The following ATP10B variants were observed in gnomAD, a reference collection of about 807,000 sequenced individuals.
The protein encoded by ATP10B is phospholipid-transporting ATPase VB.
In ATP10B, 122 loss-of-function variants were observed where a neutral mutation model predicts 141.2. The ratio of observed to expected loss-of-function variants is 0.86; its 90% CI spans 0.75 to 1.00. The LOEUF (loss-of-function observed/expected upper bound fraction) is 1.00, where lower values mean the gene tolerates loss of function less well. Among genes scored for constraint, ATP10B ranks in the 50% least tolerant of loss-of-function variants. The pLI, the probability that ATP10B is intolerant of heterozygous loss-of-function variation, is 0.00. For missense variants in ATP10B, 1,876 were observed against 1,825.3 expected (o/e 1.03, Z -0.51); for synonymous variants, 685 against 692.0 (o/e 0.99, Z 0.16).
intron 19 of ATP10B, among the ~76,000 whole-genome samples, chr5:160,605,237 A>G (rs1225299795): frequency 6.6e-6 from 1 of 152,194 alleles, no homozygotes; most frequent in Non-Finnish European, 1.5e-5. Flanking sequence ...ATAGAATATA[A>G]AATGGGAGGG....
chr5:160,844,849 C>T (rs563492211), intron 1 of ATP10B, among the ~76,000 whole-genome samples: 2 of 152,130 alleles, frequency 1.3e-5, no homozygotes, highest in South Asian at 2.1e-4. Context: ...CTGACCAATA[C>T]TTATGTTATA....
intron 1 of ATP10B, among the ~76,000 whole-genome samples, chr5:160,787,690 G>T (rs948222123): frequency 6.6e-6 from 1 of 152,110 alleles, no homozygotes. Flanking sequence ...ATTTGGGGAG[G>T]CTGTATGGTG....
chr5:160,928,621 A>T, the ATP10B span, among the ~76,000 whole-genome samples: 3 of 152,176 alleles, frequency 2.0e-5, no homozygotes, highest in African/African-American at 7.2e-5. Context: ...GTAATAATAT[A>T]TAAAGTGCTT....
Position 160,620,548 on chromosome 5 carries a change from C to G in ATP10B, c.2215G>C (p.Val739Leu), listed in dbSNP as rs577053658. 1 of 1,614,170 alleles carries G rather than the reference C, an allele frequency of 6.2e-7. No individual in the cohort carries two copies. Among genetic ancestry groups the G allele is most frequent in the African/African-American group, 1.3e-5 (1 of 75,082 alleles). ...GTCACCTGCTCAGGTGTCCGGGACA[C>G]TAGTGTGAAGCTGTAGGCATGGGCA... ...HAAHAYSFTL[V>L]SRTPEQVTVR... is the part of the protein sequence containing the mutation. The change falls in exon 15 of 26, where the codon GTG (valine) becomes CTG (leucine). Residue 739 changes from valine (V) to leucine (L), a missense_variant. Transcript: ENST00000327245.
intron 21 of ATP10B, among the ~76,000 whole-genome samples, chr5:160,600,943 A>G (rs1429766941): frequency 6.6e-6 from 1 of 151,962 alleles, no homozygotes; most frequent in East Asian, 1.9e-4. Flanking sequence ...CTGGAAATAA[A>G]TATCATTTAA....
At chr5:160,716,807 A>C in intron 3 of ATP10B, 102 bp downstream of exon 3, 1 of 788,314 alleles carries the variant, frequency 1.3e-6, no homozygotes, top group Non-Finnish European at 1.5e-6. Flanking sequence ...TTCCATCATC[A>C]AGGTGGTGTC....
the ATP10B span, among the ~76,000 whole-genome samples, chr5:160,917,269 C>CTTCT: frequency 7.8e-6 from 1 of 127,692 alleles, no homozygotes; most frequent in African/African-American, 3.0e-5. Flanking sequence ...TAGGGTACTT[C>CTTCT]TTTTTTTTTT....
chr5:160,799,491 T>G (rs1772212379), intron 1 of ATP10B, among the ~76,000 whole-genome samples: 1 of 152,216 alleles, frequency 6.6e-6, no homozygotes. Flanking sequence ...CATTACACAG[T>G]TCAAAGTCAC....
chr5:160,690,828 C>G (rs1764031942), intron 3 of ATP10B, among the ~76,000 whole-genome samples: 1 of 152,076 alleles, frequency 6.6e-6, no homozygotes, highest in Non-Finnish European at 1.5e-5. Flanking sequence ...ACCAGAAGAA[C>G]CATTTGACCC....
chr5:160,874,155 G>A, the ATP10B span, among the ~76,000 whole-genome samples: 2 of 152,096 alleles, frequency 1.3e-5, no homozygotes, highest in Admixed American at 1.3e-4. Flanking sequence ...TTTGAAGAGA[G>A]CAGTGGTTCT....
chr5:160,591,084 A>G lies in ATP10B; in HGVS notation c.3620T>C (p.Leu1207Pro). Residue 1207 changes from leucine (L) to proline (P), a missense_variant, in exon 23 of 26, where the codon CTC (leucine) becomes CCC (proline). By Grantham distance (98) the Leu-to-Pro change is moderately conservative. Transcript: ENST00000327245. ...ISMVDAFYQS[L>P]ICFFIPYLAY... ...CAGGTAAGGGATAAAGAAACAGATG[A>G]GGCTCTGGTAGAATGCATCCACCAT... The G allele has an allele frequency of 6.2e-7, 1 of 1,614,052 alleles. No individual in the cohort carries two copies. The highest frequency in any genetic ancestry group is 1.3e-5 in the African/African-American group (1 of 75,054).
At chr5:160,869,103 T>G in the ATP10B span, among the ~76,000 whole-genome samples, 1 of 152,210 alleles carries the variant, frequency 6.6e-6, no homozygotes, top group Non-Finnish European at 1.5e-5. Flanking sequence ...CAATGTCTAC[T>G]TTACATAGTT....
chr5:160,703,179 AATTT>A (rs1764774099), intron 3 of ATP10B, among the ~76,000 whole-genome samples: 1 of 152,142 alleles, frequency 6.6e-6, no homozygotes. Context: ...TATTTATAAT[AATTT>A]ATTATGTATA....
At chr5:160,680,366 G>A (rs1365006993) in intron 6 of ATP10B, among the ~76,000 whole-genome samples, 1 of 152,012 alleles carries the variant, frequency 6.6e-6, no homozygotes, top group Non-Finnish European at 1.5e-5. Context: ...CCTTGATATG[G>A]CAAAAGGATA....
intron 2 of ATP10B, among the ~76,000 whole-genome samples, chr5:160,782,483 A>ACT (rs1475823389): frequency 6.8e-6 from 1 of 146,970 alleles, no homozygotes; most frequent in African/African-American, 2.5e-5. Context: ...ACACACACTC[A>ACT]CTCACTTTAG....
At chr5:160,916,105 T>C in the ATP10B span, among the ~76,000 whole-genome samples, 1 of 152,190 alleles carries the variant, frequency 6.6e-6, no homozygotes, top group South Asian at 2.1e-4. Context: ...TCTTGAGTTA[T>C]GGTATATCCC....
rs374330613 is a variant in ATP10B at position 160,591,082 on chromosome 5, T to C, written c.3622A>G (p.Ile1208Val). ...SMVDAFYQSL[I>V]CFFIPYLAYK... ...ACCAGGTAAGGGATAAAGAAACAGA[T>C]GAGGCTCTGGTAGAATGCATCCACC... The change falls in exon 23 of 26, where the codon ATC becomes GTC. Residue 1208 changes from isoleucine to valine, a missense_variant. By Grantham distance (29) the Ile-to-Val change is conservative. Coordinates refer to ENST00000327245, the MANE Select transcript of ATP10B (RefSeq NM_025153.3). 11 of 1,613,850 alleles carry C rather than the reference T, an allele frequency of 6.8e-6. No homozygotes were observed. Among genetic ancestry groups the C allele is most frequent in the Non-Finnish European group, 9.3e-6 (11 of 1,179,936 alleles).
At chr5:160,719,945 T>C (rs67456441) in intron 2 of ATP10B, among the ~76,000 whole-genome samples, 14,345 of 152,202 alleles carry the variant, frequency 0.094, 824 homozygotes, top group Middle Eastern at 0.12. Context: ...ACAGAGCTAT[T>C]ATGGTGGTTA....
chr5:160,668,888 A>G (rs1204142067), intron 7 of ATP10B, among the ~76,000 whole-genome samples: 3 of 152,238 alleles, frequency 2.0e-5, no homozygotes, highest in Admixed American at 6.5e-5. Flanking sequence ...GGGTTTTATG[A>G]GAGCTGTTTA....
Sources: gnomAD v4.1 joint callset for allele counts (sites outside exome capture counted in the v4.1 genomes callset) on GRCh38, gnomAD v4.1.1 for gene constraint, MANE v1.5 for transcripts, NCBI Gene and HGNC (gene_info 2026-07-23, HGNC 2026-07-21) for gene names.